Variants in TBXAS1 observed in about 807,000 individuals in gnomAD.
The protein encoded by TBXAS1 is thromboxane-A synthase.
In TBXAS1, 48 loss-of-function variants were observed where a neutral mutation model predicts 60.7. The ratio of observed to expected loss-of-function variants is 0.79; its 90% CI spans 0.63 to 1.01. The LOEUF is 1.01. TBXAS1 is among the 50% of genes least tolerant of loss of function. The pLI, the probability that TBXAS1 is intolerant of heterozygous loss-of-function variation, is 0.00. For missense variants in TBXAS1, 685 were observed against 686.3 expected (o/e 1.00, Z 0.02); for synonymous variants, 287 against 269.7 (o/e 1.06, Z -0.63).
chr7:139,827,566 T>C (rs1284038781), upstream of TBXAS1, among the ~76,000 whole-genome samples: 2 of 152,238 alleles, frequency 1.3e-5, no homozygotes, highest in South Asian at 4.1e-4. Flanking sequence ...GTATTTTTGT[T>C]TTATAGGTCC....
intron 4 of TBXAS1, among the ~76,000 whole-genome samples, chr7:139,803,382 T>A (rs1797767432): frequency 6.6e-6 from 1 of 152,122 alleles, no homozygotes; most frequent in Admixed American, 6.5e-5. Context: ...ATTTAGGGTA[T>A]GTGGTGGAAG....
At chr7:139,957,530 G>C (rs1218375824) in intron 7 of TBXAS1, 104 bp from the exon 8 acceptor site, 2 of 1,528,244 alleles carry the variant, frequency 1.3e-6, no homozygotes, top group East Asian at 2.3e-5. Flanking sequence ...ACTCCAAAAC[G>C]GCTCCGATTC....
At chr7:139,992,303 C>T (rs531622677) in intron 9 of TBXAS1, among the ~76,000 whole-genome samples, 11 of 152,306 alleles carry the variant, frequency 7.2e-5, no homozygotes, top group African/African-American at 2.4e-4. Context: ...GTGCTATCTG[C>T]GATTTAGTAA....
rs746618111 is a variant in TBXAS1 at position 139,952,012 on chromosome 7, A to AAGAG, written c.451-1355_451-1354insGAGA. Among the ~76,000 whole-genome samples the AAGAG allele has an allele frequency of 3.0e-3, 331 of 111,354 alleles. 32 individuals carry two copies. Among genetic ancestry groups the AAGAG allele is most frequent in the Middle Eastern group, 0.014 (3 of 216 alleles). The allele number at this position is 111,354 out of a possible 152,430, so 73.1% of individuals were successfully genotyped here. On this transcript the variant is annotated intron_variant, in intron 5 of 12. Transcript: ENST00000448866. Reference sequence around the variant, plus strand: ...AAAGAAAGAAAGAAAGAAAGAAAGAAAAAGAAAGGAAGGAAGGAGGGAAGG... The same window carrying AAGAG: ...AAAGAAAGAAAGAAAGAAAGAAAGAAAGAGAAAGAAAGGAAGGAAGGAGGGAAGG...
rs985974785 is a variant in TBXAS1 at position 139,855,805 on chromosome 7, C to T, written c.90-16430C>T. 2.8e-4 allele frequency among the ~76,000 whole-genome samples: 43 copies of T among 152,276 alleles called. 1 individual carries two copies. Among genetic ancestry groups the T allele is most frequent in the Middle Eastern group, 6.8e-3 (2 of 294 alleles). On this transcript the variant is annotated intron_variant, in intron 1 of 12. Transcript: ENST00000448866. ...GAGCCCCCAGATCCTTTTCTGTGAG[C>T]TACAATGAAGCCAGGCCTCATTCTT...
intron 1 of TBXAS1, among the ~76,000 whole-genome samples, chr7:139,857,936 G>A (rs1177961200): frequency 6.6e-6 from 1 of 151,858 alleles, no homozygotes; most frequent in Admixed American, 6.6e-5. Context: ...GTCTTGCTAT[G>A]TTGCCCAGGC....
At position 139,939,605 on chromosome 7, in the gene TBXAS1, T is replaced by A. The variant is rs114604268; in HGVS notation, c.450+3298T>A. Among the ~76,000 whole-genome samples, 323 of 152,108 alleles carry A rather than the reference T, an allele frequency of 2.1e-3. 3 individuals carry two copies. The highest frequency in any genetic ancestry group is 7.2e-3 in the African/African-American group (299 of 41,490). On this transcript the variant is annotated intron_variant, in intron 5 of 12. Coordinates refer to ENST00000448866, the MANE Select transcript of TBXAS1 (RefSeq NM_001061.7). ...TTAGACCTGGCGAGTTGAAGTTTAC[T>A]GGAAGGCCCCTAAGGAGACCCTTCA...
chr7:139,793,172 T>C (rs1173501539), intron 4 of TBXAS1, among the ~76,000 whole-genome samples: 2 of 152,106 alleles, frequency 1.3e-5, no homozygotes, highest in African/African-American at 4.8e-5. Flanking sequence ...CCCAGCACTT[T>C]GGGGAAGGCT....
chr7:140,019,107 C>G (rs1815328647), intron 12 of TBXAS1, among the ~76,000 whole-genome samples: 1 of 152,346 alleles, frequency 6.6e-6, no homozygotes. Context: ...TGACAGATAG[C>G]AACAATTCTA....
In TBXAS1 at chr7:140,007,963, A is replaced by C. The variant is rs141600301; in HGVS notation, c.1226+781A>C. Among the ~76,000 whole-genome samples, 1,351 of 152,352 alleles carry C rather than the reference A, an allele frequency of 8.9e-3. 13 individuals carry two copies. Among genetic ancestry groups the C allele is most frequent in the African/African-American group, 0.028 (1,182 of 41,580 alleles). On this transcript the variant is annotated intron_variant, in intron 10 of 12. Transcript: ENST00000448866. ...TCCCAAACAAGGCACTCCATAGAGA[A>C]GGGCATCTTAATTCATGTCCCCAGA...
upstream of TBXAS1, among the ~76,000 whole-genome samples, chr7:139,828,729 C>G (rs930138134): frequency 6.6e-6 from 1 of 152,182 alleles, no homozygotes; most frequent in Non-Finnish European, 1.5e-5. Context: ...GAGAAGCCCT[C>G]CAACTCACCA....
intron 3 of TBXAS1, among the ~76,000 whole-genome samples, chr7:139,905,088 C>CCTCT (rs755696056): frequency 3.8e-5 from 4 of 105,332 alleles, no homozygotes; most frequent in Admixed American, 2.1e-4. Context: ...TCTCTTTCTC[C>CCTCT]CTCTCTCTCT....
chr7:139,939,472 G>C (rs552558146), intron 5 of TBXAS1, among the ~76,000 whole-genome samples: 1 of 150,172 alleles, frequency 6.7e-6, no homozygotes, highest in South Asian at 2.1e-4. Context: ...CCCTTGAAAG[G>C]CATTTTTTTC....
At chr7:139,932,399 G>T (rs977567278) in intron 4 of TBXAS1, among the ~76,000 whole-genome samples, 13 of 152,072 alleles carry the variant, frequency 8.5e-5, no homozygotes, top group Non-Finnish European at 1.5e-4. Flanking sequence ...GTCTCCAGGG[G>T]TGTGGAGCTC....
At chr7:139,948,718 G>A (rs1808954862) in intron 5 of TBXAS1, among the ~76,000 whole-genome samples, 1 of 152,180 alleles carries the variant, frequency 6.6e-6, no homozygotes, top group South Asian at 2.1e-4. Flanking sequence ...GTGTGTGTGT[G>A]CACATGCCAC....
intron 8 of TBXAS1, among the ~76,000 whole-genome samples, chr7:139,959,247 CAG>C (rs1262562006): frequency 6.6e-6 from 1 of 152,198 alleles, no homozygotes; most frequent in Non-Finnish European, 1.5e-5. Flanking sequence ...CATGTCAAGA[CAG>C]AGCTATACGG....
Position 139,936,324 on chromosome 7 carries a change from G to A in TBXAS1, c.450+17G>A, listed in dbSNP as rs768477432. 1 of 1,609,988 alleles carries A rather than the reference G, an allele frequency of 6.2e-7. No homozygotes were observed. Among genetic ancestry groups the A allele is most frequent in the South Asian group, 1.1e-5 (1 of 91,020 alleles). ...CTGAACGAGGTAAGACATGAGAAAT[G>A]CAAACTCTCTTCTCTTACGGAGCAG... On this transcript the variant is annotated intron_variant, in intron 5 of 12. Transcript: ENST00000448866.
At chr7:139,798,648 G>C (rs928351401) in intron 4 of TBXAS1, among the ~76,000 whole-genome samples, 2 of 152,140 alleles carry the variant, frequency 1.3e-5, no homozygotes, top group Non-Finnish European at 2.9e-5. Context: ...TGGTAGTTCT[G>C]TTTCAGATAA....
At chr7:139,986,801 A>G (rs4022288) in intron 9 of TBXAS1, among the ~76,000 whole-genome samples, 1,695 of 25,708 alleles carry the variant, frequency 0.066, 27 homozygotes, top group East Asian at 0.11. Flanking sequence ...GTGTGTGTGT[A>G]TATATATATA....
Sources: gnomAD v4.1 joint callset for allele counts (sites outside exome capture counted in the v4.1 genomes callset) on GRCh38, gnomAD v4.1.1 for gene constraint, MANE v1.5 for transcripts, NCBI Gene and HGNC (gene_info 2026-07-23, HGNC 2026-07-21) for gene names.